XYLT1: variants seen among roughly 807,000 people sequenced by gnomAD.
XYLT1 encodes the protein xylosyltransferase 1.
In XYLT1, 36 loss-of-function variants were observed where a neutral mutation model predicts 91.3. The observed-to-expected ratio is 0.39, with a 90% CI of 0.30 to 0.52. The LOEUF is 0.52. Among genes scored for constraint, XYLT1 ranks in the 20% least tolerant of loss-of-function variants. The pLI, the probability that XYLT1 is intolerant of heterozygous loss-of-function variation, is 0.68. For missense variants in XYLT1, 1,242 were observed against 1,284.5 expected, an observed-to-expected ratio of 0.97 and a Z score of 0.51; for synonymous variants, 588 against 532.0, an observed-to-expected ratio of 1.11 and a Z score of -1.45.
chr16:17,205,737 A>C (rs2141594155), intron 3 of XYLT1, among the ~76,000 whole-genome samples: 1 of 152,290 alleles, frequency 6.6e-6, no homozygotes, highest in Non-Finnish European at 1.5e-5. Context: ...CTTGTAAATA[A>C]ACATCTACAA....
At chr16:17,437,400 A>G (rs1227029499) in intron 1 of XYLT1, among the ~76,000 whole-genome samples, 1 of 152,082 alleles carries the variant, frequency 6.6e-6, no homozygotes, top group African/African-American at 2.4e-5. Context: ...CTCCAATCGT[A>G]TTTGGCTCCA....
At chr16:17,234,067 G>A (rs185192611) in intron 3 of XYLT1, among the ~76,000 whole-genome samples, 22 of 152,248 alleles carry the variant, frequency 1.4e-4, no homozygotes, top group African/African-American at 5.1e-4. Flanking sequence ...CAAGAAGACC[G>A]GACCTAAGAC....
At chr16:17,343,702 CA>C (rs2141849196) in intron 2 of XYLT1, among the ~76,000 whole-genome samples, 1 of 152,316 alleles carries the variant, frequency 6.6e-6, no homozygotes, top group African/African-American at 2.4e-5. Context: ...CTCCTGGCCT[CA>C]GGCAATCCTT....
intron 2 of XYLT1, among the ~76,000 whole-genome samples, chr16:17,339,791 A>G (rs545198775): frequency 6.6e-6 from 1 of 152,264 alleles, no homozygotes; most frequent in African/African-American, 2.4e-5. Flanking sequence ...TTAAAAAATG[A>G]ACTGAGATAT....
intron 5 of XYLT1, among the ~76,000 whole-genome samples, chr16:17,178,266 G>A (rs2031987940): frequency 1.3e-5 from 2 of 152,112 alleles, no homozygotes; most frequent in African/African-American, 4.8e-5. Context: ...AAGTAGGTTA[G>A]GGGAACATAA....
At chr16:17,111,026 G>A (rs979913944) in intron 11 of XYLT1, among the ~76,000 whole-genome samples, 1 of 152,164 alleles carries the variant, frequency 6.6e-6, no homozygotes, top group African/African-American at 2.4e-5. Flanking sequence ...CGGGCGTGAT[G>A]GCTGATGCCT....
At chr16:17,131,233 CA>C (rs11351034) in intron 9 of XYLT1, among the ~76,000 whole-genome samples, 145,059 of 152,284 alleles carry the variant, frequency 0.95, 69,144 homozygotes, top group Middle Eastern at 0.98. Context: ...GGAGTGAGCA[CA>C]AAAGCCCTCT....
intron 1 of XYLT1, among the ~76,000 whole-genome samples, chr16:17,444,988 T>C (rs2036574971): frequency 6.6e-6 from 1 of 152,182 alleles, no homozygotes; most frequent in Non-Finnish European, 1.5e-5. Flanking sequence ...GAAGAGTGAA[T>C]GGATGAAGGG....
intron 2 of XYLT1, among the ~76,000 whole-genome samples, chr16:17,311,206 T>G (rs929158611): frequency 1.7e-4 from 26 of 152,168 alleles, no homozygotes. Flanking sequence ...ATGTGGACCT[T>G]GGCCTCAAGG....
At chr16:17,355,108 T>C (rs745961274) in intron 2 of XYLT1, 6 of 153,080 alleles carry the variant, frequency 3.9e-5, no homozygotes, top group Non-Finnish European at 5.9e-5. Flanking sequence ...CCTTGTGCCA[T>C]TGCTGGTTGC....
chr16:17,255,336 C>T (rs1373970324), intron 3 of XYLT1, among the ~76,000 whole-genome samples: 2 of 152,080 alleles, frequency 1.3e-5, no homozygotes, highest in East Asian at 1.9e-4. Context: ...GGGAACATAG[C>T]GCATTTGTGT....
At chr16:17,372,339 GC>G (rs1293732344) in intron 1 of XYLT1, among the ~76,000 whole-genome samples, 2 of 152,180 alleles carry the variant, frequency 1.3e-5, no homozygotes, top group Admixed American at 1.3e-4. Flanking sequence ...ACATTTTACA[GC>G]TGCAGACTTC....
chr16:17,121,742 C>G (rs1329303189), intron 10 of XYLT1, among the ~76,000 whole-genome samples: 1 of 152,080 alleles, frequency 6.6e-6, no homozygotes, highest in Non-Finnish European at 1.5e-5. Flanking sequence ...ATCCCCTCCC[C>G]TATATCCCCC....
chr16:17,387,040 C>A (rs2035756165), intron 1 of XYLT1, among the ~76,000 whole-genome samples: 1 of 151,862 alleles, frequency 6.6e-6, no homozygotes, highest in Non-Finnish European at 1.5e-5. Context: ...TGATAAATGC[C>A]CCAAGAGACA....
At chr16:17,246,369 T>C (rs533818703) in intron 3 of XYLT1, among the ~76,000 whole-genome samples, 9 of 152,366 alleles carry the variant, frequency 5.9e-5, no homozygotes, top group African/African-American at 1.9e-4. Flanking sequence ...GAGTAACAAG[T>C]ATCAATAGCT....
intron 1 of XYLT1, among the ~76,000 whole-genome samples, chr16:17,464,888 T>C (rs1175545889): frequency 6.6e-6 from 1 of 152,020 alleles, no homozygotes; most frequent in Admixed American, 6.5e-5. Context: ...GGCTCAGGCC[T>C]GTAGTCCCAG....
At chr16:17,270,837 G>C (rs1213318626) in intron 2 of XYLT1, among the ~76,000 whole-genome samples, 2 of 152,188 alleles carry the variant, frequency 1.3e-5, no homozygotes, top group African/African-American at 4.8e-5. Flanking sequence ...CGGCAGAGTT[G>C]TGTAGCTATG....
intron 3 of XYLT1, chr16:17,227,792 G>C (rs1253927106): frequency 1.3e-5 from 2 of 152,424 alleles, no homozygotes; most frequent in Middle Eastern, 3.1e-3. Context: ...ACCAGACAGA[G>C]ACAATACATG....
chr16:17,161,671 T>A (rs199535999), intron 5 of XYLT1, among the ~76,000 whole-genome samples: 1 of 94,296 alleles, frequency 1.1e-5, no homozygotes, highest in Non-Finnish European at 2.6e-5. Flanking sequence ...TTCCAGTTTC[T>A]CGCGCGCTCT....
Sources: gnomAD v4.1 joint callset for allele counts (sites outside exome capture counted in the v4.1 genomes callset) on GRCh38, gnomAD v4.1.1 for gene constraint, MANE v1.5 for transcripts, NCBI Gene and HGNC (gene_info 2026-07-23, HGNC 2026-07-21) for gene names.